Variants in TAFA4 observed in about 807,000 individuals in gnomAD.
The protein encoded by TAFA4 is chemokine-like protein TAFA-4.
A neutral mutation model predicts 21.1 loss-of-function variants in TAFA4; 20 were observed. The ratio of observed to expected loss-of-function variants is 0.95; its 90% CI spans 0.67 to 1.38. The LOEUF is 1.38. Among genes scored for constraint, TAFA4 ranks in the 40% most tolerant of loss-of-function variants. TAFA4 has a pLI of 0.00. For synonymous variants in TAFA4, 71 were observed against 67.4 expected (o/e 1.05, Z -0.26); for missense variants, 211 against 180.9 (o/e 1.17, Z -0.95).
chr3:68,895,798 T>G (rs902249), intron 1 of TAFA4, among the ~76,000 whole-genome samples: 2 of 151,864 alleles, frequency 1.3e-5, no homozygotes, highest in Non-Finnish European at 2.9e-5. Flanking sequence ...CATTATAGCA[T>G]GTGGAGACAA....
At chr3:68,918,471 C>G (rs112530095) in intron 1 of TAFA4, among the ~76,000 whole-genome samples, 1,545 of 152,294 alleles carry the variant, frequency 0.01, 29 homozygotes, top group African/African-American at 0.035. Context: ...AAAAGAAGCT[C>G]TTGTTTTCAT....
chr3:68,736,294 G>T (rs955185394), intron 5 of TAFA4, among the ~76,000 whole-genome samples: 1 of 151,856 alleles, frequency 6.6e-6, no homozygotes, highest in Non-Finnish European at 1.5e-5. Flanking sequence ...TCCACAGAGA[G>T]AGTCATATTT....
chr3:68,905,068 C>T (rs527730219), intron 1 of TAFA4, among the ~76,000 whole-genome samples: 2 of 151,088 alleles, frequency 1.3e-5, no homozygotes, highest in East Asian at 2.0e-4. Flanking sequence ...ACTCTCCAAA[C>T]ATTTTTGAGC....
At chr3:68,748,895 T>C (rs1702510556) in intron 4 of TAFA4, among the ~76,000 whole-genome samples, 2 of 152,236 alleles carry the variant, frequency 1.3e-5, no homozygotes, top group Non-Finnish European at 2.9e-5. Context: ...AACTTCCTTG[T>C]ACTACACATT....
chr3:68,918,727 G>C (rs1350723112), intron 1 of TAFA4, among the ~76,000 whole-genome samples: 3 of 152,050 alleles, frequency 2.0e-5, no homozygotes, highest in Non-Finnish European at 4.4e-5. Context: ...TTTTTGTACA[G>C]ACATGGTTTC....
intron 3 of TAFA4, among the ~76,000 whole-genome samples, chr3:68,828,988 A>G (rs1251561845): frequency 1.3e-5 from 2 of 152,194 alleles, no homozygotes; most frequent in Non-Finnish European, 2.9e-5. Context: ...CATTTTGCCC[A>G]TTCAGTATGA....
At chr3:68,756,196 T>C (rs181593169) in intron 3 of TAFA4, among the ~76,000 whole-genome samples, 1 of 152,336 alleles carries the variant, frequency 6.6e-6, no homozygotes, top group African/African-American at 2.4e-5. Context: ...CAGCAGTGGA[T>C]AACTAATACA....
chr3:68,930,024 GTATTA>G (rs2090144612), intron 1 of TAFA4, among the ~76,000 whole-genome samples: 2 of 152,148 alleles, frequency 1.3e-5, no homozygotes, highest in Non-Finnish European at 2.9e-5. Context: ...ACATAGCAAA[GTATTA>G]TATTAAGTGT....
At chr3:68,752,822 C>T (rs1163335644) in intron 4 of TAFA4, 41 bp downstream of exon 4, 4 of 1,613,570 alleles carry the variant, frequency 2.5e-6, no homozygotes, top group East Asian at 2.2e-5. Context: ...TGGGTTTTGG[C>T]CTTTTTGAAA....
At chr3:68,904,065 T>A (rs2089872145) in intron 1 of TAFA4, among the ~76,000 whole-genome samples, 1 of 143,410 alleles carries the variant, frequency 7.0e-6, no homozygotes. Flanking sequence ...TTTAGAAAGT[T>A]AAAAAAAAAA....
intron 4 of TAFA4, among the ~76,000 whole-genome samples, chr3:68,746,078 T>C (rs1353426353): frequency 6.6e-6 from 1 of 152,206 alleles, no homozygotes; most frequent in Non-Finnish European, 1.5e-5. Context: ...GGATGCTTCC[T>C]GCCCTCAAAC....
At chr3:68,811,043 C>G (rs897675735) in intron 3 of TAFA4, among the ~76,000 whole-genome samples, 2 of 152,202 alleles carry the variant, frequency 1.3e-5, no homozygotes, top group Non-Finnish European at 2.9e-5. Context: ...GCCTCCGCTG[C>G]TGATACCCAG....
At chr3:68,804,272 A>C (rs960984489) in intron 3 of TAFA4, among the ~76,000 whole-genome samples, 17 of 152,194 alleles carry the variant, frequency 1.1e-4, no homozygotes, top group African/African-American at 4.1e-4. Context: ...ATAAAACAAC[A>C]TAAACCACTG....
chr3:68,758,512 C>G (rs1008233702), intron 3 of TAFA4, among the ~76,000 whole-genome samples: 1 of 152,202 alleles, frequency 6.6e-6, no homozygotes, highest in Non-Finnish European at 1.5e-5. Context: ...TGACTTTGCT[C>G]CTCCTTCGCC....
chr3:68,908,989 C>A (rs1205149805), intron 1 of TAFA4, among the ~76,000 whole-genome samples: 1 of 152,152 alleles, frequency 6.6e-6, no homozygotes, highest in Admixed American at 6.5e-5. Context: ...TAGTCACTAC[C>A]CACATGTAGC....
chr3:68,768,235 A>G (rs915247339), intron 3 of TAFA4, among the ~76,000 whole-genome samples: 1 of 152,184 alleles, frequency 6.6e-6, no homozygotes, highest in African/African-American at 2.4e-5. Flanking sequence ...GATCCAGAAT[A>G]TATAAGAAAC....
intron 3 of TAFA4, among the ~76,000 whole-genome samples, chr3:68,865,689 A>C (rs1195040041): frequency 6.6e-6 from 1 of 152,138 alleles, no homozygotes; most frequent in Non-Finnish European, 1.5e-5. Flanking sequence ...TCTGGAATGC[A>C]GTGGCTATAC....
At chr3:68,847,004 A>AGTTGAG (rs1704819253) in intron 3 of TAFA4, among the ~76,000 whole-genome samples, 1 of 152,168 alleles carries the variant, frequency 6.6e-6, no homozygotes, top group Admixed American at 6.5e-5. Context: ...TCAGGGACCC[A>AGTTGAG]GTTGAGGAGG....
chr3:68,884,527 G>A (rs949066283), intron 2 of TAFA4, among the ~76,000 whole-genome samples: 4 of 152,266 alleles, frequency 2.6e-5, no homozygotes, highest in African/African-American at 9.6e-5. Context: ...TGTATCTTCC[G>A]CTCAGTTTCT....
Sources: gnomAD v4.1 joint callset for allele counts (sites outside exome capture counted in the v4.1 genomes callset) on GRCh38, gnomAD v4.1.1 for gene constraint, MANE v1.5 for transcripts, NCBI Gene and HGNC (gene_info 2026-07-23, HGNC 2026-07-21) for gene names.